DRAM1: variants seen among roughly 807,000 people sequenced by gnomAD.
DRAM1 encodes the protein DNA damage-regulated autophagy modulator protein 1.
Under a neutral mutation model 28.5 loss-of-function variants are expected in DRAM1, and 25 were observed. The observed-to-expected ratio is 0.88, with a 90% confidence interval of 0.64 to 1.23. The LOEUF (loss-of-function observed/expected upper bound fraction) is 1.23, where lower values mean the gene tolerates loss of function less well. Among genes scored for constraint, DRAM1 ranks in the 50% most tolerant of loss-of-function variants. The probability of loss-of-function intolerance (pLI) is 0.00; values close to 1 mark genes in which losing one functional copy is unlikely to be tolerated. For missense variants in DRAM1, 249 were observed against 299.2 expected (o/e 0.83, Z 1.24); for synonymous variants, 113 against 114.2 (o/e 0.99, Z 0.07).
chr12:101,908,787 AC>A (rs2121134418), intron 4 of DRAM1, among the ~76,000 whole-genome samples: 1 of 151,890 alleles, frequency 6.6e-6, no homozygotes, highest in Middle Eastern at 3.4e-3. Flanking sequence ...AAGGAAGTGC[AC>A]AGATGGACCT....
chr12:101,902,002 G>A (rs1375810400), intron 3 of DRAM1, among the ~76,000 whole-genome samples: 2 of 152,136 alleles, frequency 1.3e-5, no homozygotes, highest in Non-Finnish European at 2.9e-5. Context: ...TGTCATTGAT[G>A]TGGTTTGATG....
At chr12:101,895,566 AT>A (rs553634247) in intron 1 of DRAM1, among the ~76,000 whole-genome samples, 6,640 of 102,762 alleles carry the variant, frequency 0.065, 95 homozygotes, top group East Asian at 0.17. Context: ...AAGGGAGGCT[AT>A]TTTTTTTTTT....
intron 3 of DRAM1, among the ~76,000 whole-genome samples, chr12:101,903,351 G>C (rs1485175368): frequency 6.6e-6 from 1 of 152,182 alleles, no homozygotes. Flanking sequence ...CCCTCAGAAA[G>C]TTTTCTTTTT....
At chr12:101,899,682 A>C (rs1003085571) in intron 2 of DRAM1, among the ~76,000 whole-genome samples, 4 of 41,254 alleles carry the variant, frequency 9.7e-5, no homozygotes, top group Non-Finnish European at 8.5e-5. Flanking sequence ...CTGTCTCCAC[A>C]AAAAAAAAAA....
In DRAM1 at chr12:101,898,050, G is replaced by A. The variant is rs180815156; in HGVS notation, c.199+120G>A. The A allele has an allele frequency of 1.0e-5, 6 of 589,038 alleles. No individual in the cohort carries two copies. In the East Asian group the frequency reaches 1.1e-4, roughly 10 times the overall value. 36.5% of individuals were successfully genotyped at this position (589,038 alleles called of 1,614,324 possible). On this transcript the variant is annotated intron_variant, in intron 2 of 6. Transcript: ENST00000258534. Reference sequence around the variant, plus strand: ...ATTTTATTTATTTTTTCTGAGACAGGGTCTCTGTCATCCAGGCTGGAGTGC... The same window carrying A: ...ATTTTATTTATTTTTTCTGAGACAGAGTCTCTGTCATCCAGGCTGGAGTGC...
In DRAM1 at chr12:101,877,634, C is replaced by A. The variant is rs1872530083; in HGVS notation, c.-156C>A. The A allele has an allele frequency of 4.6e-6, 2 of 432,228 alleles. No homozygotes were observed. The highest frequency in any genetic ancestry group is 4.2e-5 in the African/African-American group (2 of 48,036). 26.8% of individuals were successfully genotyped at this position (432,228 alleles called of 1,614,324 possible). On this transcript the variant is annotated 5_prime_UTR_variant, in exon 1 of 7. Transcript: ENST00000258534. This position sits in a 1 kb window ranked among gnomAD's most constrained non-coding sequence, Gnocchi z 4.1. ...GCCTCGCTCCGCTCCTCGCGCTTCC[C>A]CTCCCTCCGGGGCTGGGCCTGCCCC...
intron 5 of DRAM1, among the ~76,000 whole-genome samples, 179 bp downstream of exon 5, chr12:101,914,411 G>C (rs186329557): frequency 6.6e-6 from 1 of 152,052 alleles, no homozygotes; most frequent in Non-Finnish European, 1.5e-5. Flanking sequence ...TTAGCTATCA[G>C]GGTAATTCCA....
rs1042514480 is a variant in DRAM1 at position 101,921,368 on chromosome 12, C to T, written c.*108C>T. The T allele has an allele frequency of 3.8e-6, 3 of 799,200 alleles. No homozygotes were observed. The highest frequency in any genetic ancestry group is 6.6e-6 in the Non-Finnish European group (3 of 456,576). 49.5% of individuals were successfully genotyped at this position (799,200 alleles called of 1,614,324 possible). A position where few individuals can be genotyped will look rare whatever the true frequency, so the allele number is the denominator to read the frequency against. ...CACCCTGATTATTGGGATGCATCTGCAGCACATCCAGGACTTGAATTTCAT... is the reference window on the plus strand; with the variant it reads ...CACCCTGATTATTGGGATGCATCTGTAGCACATCCAGGACTTGAATTTCAT... On this transcript the variant is annotated 3_prime_UTR_variant, in exon 7 of 7. Transcript: ENST00000258534.
At chr12:101,904,188 C>G (rs190410583) in intron 3 of DRAM1, among the ~76,000 whole-genome samples, 3 of 151,894 alleles carry the variant, frequency 2.0e-5, no homozygotes, top group Non-Finnish European at 4.4e-5. Flanking sequence ...GATGGCGTTT[C>G]GCCATGTTGG....
intron 4 of DRAM1, among the ~76,000 whole-genome samples, chr12:101,909,420 A>G (rs1873954893): frequency 6.6e-6 from 1 of 152,176 alleles, no homozygotes; most frequent in South Asian, 2.1e-4. Context: ...TTCATGAGCC[A>G]TATGAAAATA....
chr12:101,891,473 C>A (rs896468533), intron 1 of DRAM1, among the ~76,000 whole-genome samples: 1 of 152,150 alleles, frequency 6.6e-6, no homozygotes, highest in Admixed American at 6.5e-5. Flanking sequence ...TTCTTTGTAT[C>A]GTTTTCATTC....
At chr12:101,909,812 G>GA (rs1172621441) in intron 4 of DRAM1, among the ~76,000 whole-genome samples, 3 of 151,968 alleles carry the variant, frequency 2.0e-5, no homozygotes, top group Non-Finnish European at 4.4e-5. Flanking sequence ...ATTTAACAAA[G>GA]AAAAAAAGCC....
At chr12:101,884,028 T>C (rs1484835250) in intron 1 of DRAM1, among the ~76,000 whole-genome samples, 1 of 151,692 alleles carries the variant, frequency 6.6e-6, no homozygotes, top group African/African-American at 2.4e-5. Flanking sequence ...ATATTTCTTA[T>C]TCTGAAACCA....
At chr12:101,900,168 T>C (rs546553339) in intron 2 of DRAM1, among the ~76,000 whole-genome samples, 9 of 152,286 alleles carry the variant, frequency 5.9e-5, no homozygotes, top group African/African-American at 2.2e-4. Context: ...TGGTATTTGG[T>C]TAATTGACTA....
At position 101,897,849 on chromosome 12, in the gene DRAM1, C is replaced by T; in HGVS notation, c.132-14C>T. On this transcript the variant is annotated splice_polypyrimidine_tract_variant and intron_variant, in intron 1 of 6. Transcript: ENST00000258534. The stretch of plus-strand genomic sequence containing the variant: ...TTTCTTTCTAATAATTTGGACATTT[C>T]TTCCCTTTGCCAGTGATACGGGAAC... 1 of 1,597,116 alleles carries T rather than the reference C, an allele frequency of 6.3e-7. No individual in the cohort carries two copies. Among genetic ancestry groups the T allele is most frequent in the Non-Finnish European group, 8.6e-7 (1 of 1,166,396 alleles).
chr12:101,906,854 CA>C lies in DRAM1; in HGVS notation c.343-1313del, dbSNP rs751751554. ...TGGGTGACAGAGCAAGACTCTGCCT[CA>C]AAAAAAAAAAAAAAAAAAGAAAAGA... On this transcript the variant is annotated intron_variant, in intron 3 of 6. Coordinates refer to ENST00000258534, the MANE Select transcript of DRAM1 (RefSeq NM_018370.3). Among the ~76,000 whole-genome samples the C allele has an allele frequency of 4.9e-3, 328 of 67,506 alleles. 1 individual carries two copies. The highest frequency in any genetic ancestry group is 7.3e-3 in the Non-Finnish European group (241 of 33,182). 44.3% of individuals were successfully genotyped at this position (67,506 alleles called of 152,430 possible).
At chr12:101,898,145 G>A (rs943792765) in intron 2 of DRAM1, among the ~76,000 whole-genome samples, 11 of 151,904 alleles carry the variant, frequency 7.2e-5, no homozygotes, top group Admixed American at 3.3e-4. Flanking sequence ...CTCAGCCTCC[G>A]GAGTAGCTGG....
rs946601469 is a variant in DRAM1 at position 101,921,345 on chromosome 12, C to A, written c.*85C>A. 9.4e-7 allele frequency: 1 copy of A among 1,061,766 alleles called. No individual in the cohort carries two copies. The highest frequency in any genetic ancestry group is 1.5e-6 in the Non-Finnish European group (1 of 682,856). 65.8% of individuals were successfully genotyped at this position (1,061,766 alleles called of 1,614,324 possible). A position where few individuals can be genotyped will look rare whatever the true frequency, so the allele number is the denominator to read the frequency against. Reference sequence around the variant, plus strand: ...GAGGACAGACAGGGTTTTGAGGCCACCCTGATTATTGGGATGCATCTGCAG... The same window carrying A: ...GAGGACAGACAGGGTTTTGAGGCCAACCTGATTATTGGGATGCATCTGCAG... On this transcript the variant is annotated 3_prime_UTR_variant, in exon 7 of 7. Transcript: ENST00000258534.
rs1872555829 is a variant in DRAM1, at chr12:101,877,970, C to T, written c.131+50C>T. The T allele has an allele frequency of 7.1e-7, 1 of 1,403,262 alleles. No homozygotes were observed. The highest frequency in any genetic ancestry group is 9.4e-7 in the Non-Finnish European group (1 of 1,062,942). 86.9% of individuals were successfully genotyped at this position (1,403,262 alleles called of 1,614,324 possible). A position where few individuals can be genotyped will look rare whatever the true frequency, so the allele number is the denominator to read the frequency against. On this transcript the variant is annotated intron_variant, in intron 1 of 6. Transcript: ENST00000258534. This position sits in a 1 kb window ranked among gnomAD's most constrained non-coding sequence, Gnocchi z 4.1. ...GCCCCAGGAGCAGGCACAGGGACCA[C>T]AGGGAGCGCTGCCGACGGGGAGGGA...
Sources: allele counts gnomAD v4.1 joint callset (sites outside exome capture counted in the v4.1 genomes callset), GRCh38; gene constraint gnomAD v4.1.1; non-coding constraint Gnocchi (gnomAD v3.1); transcripts MANE v1.5; gene names NCBI Gene and HGNC (gene_info 2026-07-23, HGNC 2026-07-21).